KIAA1217: variants seen among roughly 807,000 people sequenced by gnomAD.
KIAA1217 encodes sickle tail protein homolog.
Under a neutral mutation model 163.9 loss-of-function variants are expected in KIAA1217, and 88 were observed. The observed-to-expected ratio is 0.54, with a 90% CI of 0.45 to 0.64. KIAA1217 has a LOEUF of 0.64. Among genes scored for constraint, KIAA1217 ranks in the 30% least tolerant of loss-of-function variants. The pLI, the probability that KIAA1217 is intolerant of heterozygous loss-of-function variation, is 0.00. For synonymous variants in KIAA1217, 903 were observed against 923.1 expected, an observed-to-expected ratio of 0.98 and a Z score of 0.39; for missense variants, 2,372 against 2,475.0, an observed-to-expected ratio of 0.96 and a Z score of 0.88.
intron 1 of KIAA1217, among the ~76,000 whole-genome samples, chr10:23,779,562 T>G (rs1304984130): frequency 1.3e-5 from 2 of 152,198 alleles, no homozygotes; most frequent in African/African-American, 2.4e-5. Flanking sequence ...CGATGAACCC[T>G]TGGTATTGAG....
chr10:24,208,121 C>CT (rs796178842), upstream of KIAA1217, among the ~76,000 whole-genome samples: 8,840 of 135,262 alleles, frequency 0.065, 723 homozygotes, highest in African/African-American at 0.2. Context: ...TTCCCATCCT[C>CT]TTTTTTTTTT....
At chr10:24,121,675 A>T (rs892871111) in intron 2 of KIAA1217, among the ~76,000 whole-genome samples, 1 of 152,212 alleles carries the variant, frequency 6.6e-6, no homozygotes, top group Non-Finnish European at 1.5e-5. Flanking sequence ...TGATTTGTAG[A>T]TGATTTTTCA....
At chr10:23,745,234 T>C (rs1839335598) in intron 1 of KIAA1217, among the ~76,000 whole-genome samples, 1 of 152,220 alleles carries the variant, frequency 6.6e-6, no homozygotes, top group African/African-American at 2.4e-5. Flanking sequence ...GCCTATAATA[T>C]AACTTAGCAC....
At chr10:23,697,527 G>A (rs1436795281) in intron 1 of KIAA1217, among the ~76,000 whole-genome samples, 1 of 151,790 alleles carries the variant, frequency 6.6e-6, no homozygotes, top group African/African-American at 2.4e-5. Context: ...GCCAAATTTA[G>A]TTTCATTATT....
chr10:23,746,736 AG>A (rs1839437901), intron 1 of KIAA1217, among the ~76,000 whole-genome samples: 1 of 152,074 alleles, frequency 6.6e-6, no homozygotes, highest in African/African-American at 2.4e-5. Context: ...ATTCTTTTAT[AG>A]CAACGTGAAT....
chr10:23,887,900 C>T (rs1051785162), intron 1 of KIAA1217, among the ~76,000 whole-genome samples: 3 of 151,728 alleles, frequency 2.0e-5, no homozygotes, highest in African/African-American at 7.3e-5. Context: ...AAATATTATC[C>T]AGCTACTGGC....
At chr10:24,006,115 T>A (rs1035273942) in intron 1 of KIAA1217, among the ~76,000 whole-genome samples, 2 of 152,218 alleles carry the variant, frequency 1.3e-5, no homozygotes, top group Non-Finnish European at 2.9e-5. Flanking sequence ...ACAATATTCA[T>A]AACTATTGAA....
intron 2 of KIAA1217, among the ~76,000 whole-genome samples, chr10:24,277,581 C>G (rs1404712034): frequency 1.3e-5 from 2 of 152,200 alleles, no homozygotes; most frequent in Non-Finnish European, 2.9e-5. Context: ...TTTCCCCATG[C>G]TATTTTCATA....
intron 3 of KIAA1217, among the ~76,000 whole-genome samples, chr10:24,384,391 C>T (rs761371125): frequency 1.3e-5 from 2 of 152,034 alleles, no homozygotes; most frequent in Non-Finnish European, 2.9e-5. Context: ...GCATGAACAG[C>T]CTCCCCCATG....
At chr10:23,994,517 T>C (rs1846377321) in intron 1 of KIAA1217, among the ~76,000 whole-genome samples, 1 of 151,268 alleles carries the variant, frequency 6.6e-6, no homozygotes, top group Non-Finnish European at 1.5e-5. Flanking sequence ...TTTGGAGAAA[T>C]GGGACAGAAA....
intron 2 of KIAA1217, among the ~76,000 whole-genome samples, chr10:24,131,374 G>A (rs1014046578): frequency 5.3e-5 from 8 of 152,126 alleles, no homozygotes; most frequent in African/African-American, 9.7e-5. Flanking sequence ...AAATGGAACC[G>A]TTATTTTGAA....
At chr10:24,146,581 A>T (rs1186772814) in intron 2 of KIAA1217, among the ~76,000 whole-genome samples, 2 of 152,146 alleles carry the variant, frequency 1.3e-5, no homozygotes, top group Admixed American at 6.5e-5. Flanking sequence ...AGCTCAGGAG[A>T]TGGAGGTGGG....
At chr10:24,294,142 A>G (rs888628955) in intron 2 of KIAA1217, among the ~76,000 whole-genome samples, 1 of 129,362 alleles carries the variant, frequency 7.7e-6, no homozygotes, top group African/African-American at 2.9e-5. Context: ...GAGCCGAGAT[A>G]GCGCCACTGC....
chr10:24,521,453 GCTCTGATCA>G (rs1238247674), intron 11 of KIAA1217, among the ~76,000 whole-genome samples: 3 of 152,170 alleles, frequency 2.0e-5, no homozygotes, highest in Non-Finnish European at 2.9e-5. Flanking sequence ...GCTCCAGTGA[GCTCTGATCA>G]TGCCACTGCA....
chr10:24,100,707 A>T (rs1246910613), intron 2 of KIAA1217, among the ~76,000 whole-genome samples: 1 of 152,248 alleles, frequency 6.6e-6, no homozygotes, highest in Admixed American at 6.5e-5. Context: ...TTTTGCAAGG[A>T]AATCAATTCT....
At chr10:24,484,242 T>TATATATATATATATA (rs34504704) in intron 6 of KIAA1217, among the ~76,000 whole-genome samples, 9 of 48,234 alleles carry the variant, frequency 1.9e-4, no homozygotes, top group South Asian at 1.3e-3. Flanking sequence ...TATATATATA[T>TATATATATATATATA]TTTTTTTTTT....
At chr10:24,466,509 C>T (rs1173140943) in intron 5 of KIAA1217, 14 of 985,052 alleles carry the variant, frequency 1.4e-5, no homozygotes, top group Middle Eastern at 5.2e-4. Flanking sequence ...TGACTTATCA[C>T]GGGGAAGGTT....
intron 2 of KIAA1217, among the ~76,000 whole-genome samples, chr10:24,071,539 A>T (rs1227583984): frequency 6.6e-6 from 1 of 152,230 alleles, no homozygotes; most frequent in East Asian, 1.9e-4. Context: ...ATCTGATTAA[A>T]TGGATACTAT....
chr10:24,440,414 G>A lies in KIAA1217; in HGVS notation c.846+1935G>A, dbSNP rs576340305. On this transcript the variant is annotated intron_variant, in intron 5 of 20. Transcript: ENST00000376454. ...TCACCCTGGAGTTCCATGGTGCTGA[G>A]AGTTCTGTTCCTATCACATAGAGCC... Among the ~76,000 whole-genome samples, 9 of 152,222 alleles carry A rather than the reference G, an allele frequency of 5.9e-5. No homozygotes were observed. The East Asian group carries it at 1.7e-3, about 29-fold the overall frequency.
Sources: allele counts gnomAD v4.1 joint callset (sites outside exome capture counted in the v4.1 genomes callset), GRCh38; gene constraint gnomAD v4.1.1; transcripts MANE v1.5; gene names NCBI Gene and HGNC (gene_info 2026-07-23, HGNC 2026-07-21).